Variants in TYR observed in about 807,000 individuals in gnomAD.
TYR encodes tyrosinase.
In TYR, 58 loss-of-function variants were observed where a neutral mutation model predicts 51.5. That is an observed-to-expected ratio of 1.13 (90% CI 0.91 to 1.40). The LOEUF (loss-of-function observed/expected upper bound fraction) is 1.40. Ranked by LOEUF, TYR falls within the 40% of genes most tolerant of loss-of-function variation. The probability of loss-of-function intolerance (pLI) is 0.00; values close to 1 mark genes in which losing one functional copy is unlikely to be tolerated. For missense variants in TYR, 732 were observed against 647.4 expected (o/e 1.13, Z -1.42); for synonymous variants, 263 against 235.2 (o/e 1.12, Z -1.08).
intron 1 of TYR, among the ~76,000 whole-genome samples, chr11:89,183,795 T>C (rs970471007): frequency 4.6e-5 from 7 of 152,140 alleles, no homozygotes; most frequent in Non-Finnish European, 7.4e-5. Context: ...AACAGTGTTA[T>C]ACACCCAAAG....
chr11:89,205,576 T>A (rs1943662248), intron 2 of TYR, among the ~76,000 whole-genome samples: 1 of 152,068 alleles, frequency 6.6e-6, no homozygotes, highest in Non-Finnish European at 1.5e-5. Flanking sequence ...GGCCAGAAGG[T>A]GGCACTGCAT....
intron 3 of TYR, among the ~76,000 whole-genome samples, chr11:89,243,969 T>G (rs1944234055): frequency 2.6e-5 from 4 of 152,100 alleles, no homozygotes. Context: ...TTAATAGAGG[T>G]GAGAAGGGTA....
chr11:89,187,496 A>C (rs1943389361), intron 1 of TYR, among the ~76,000 whole-genome samples: 2 of 152,178 alleles, frequency 1.3e-5, no homozygotes, highest in African/African-American at 4.8e-5. Flanking sequence ...GGTTCATAAC[A>C]AACTCATTGG....
At chr11:89,259,273 A>G (rs1218316755) in intron 3 of TYR, among the ~76,000 whole-genome samples, 1 of 152,120 alleles carries the variant, frequency 6.6e-6, no homozygotes, top group Non-Finnish European at 1.5e-5. Flanking sequence ...CAAGCTTAGC[A>G]CTTTCCTTCT....
At chr11:89,263,635 T>C (rs1944488732) in intron 3 of TYR, among the ~76,000 whole-genome samples, 1 of 151,956 alleles carries the variant, frequency 6.6e-6, no homozygotes, top group Non-Finnish European at 1.5e-5. Flanking sequence ...TTTGAATGAG[T>C]TTAGAAAAAT....
intron 3 of TYR, among the ~76,000 whole-genome samples, chr11:89,259,501 A>G (rs920029635): frequency 6.6e-6 from 1 of 152,132 alleles, no homozygotes; most frequent in Non-Finnish European, 1.5e-5. Context: ...CCCTTTGGAA[A>G]TAACATCAAA....
chr11:89,241,460 G>T (rs990771660), intron 3 of TYR, among the ~76,000 whole-genome samples: 1 of 151,850 alleles, frequency 6.6e-6, no homozygotes, highest in Admixed American at 6.6e-5. Flanking sequence ...CAAGAAATAC[G>T]ATATGTGTCT....
intron 1 of TYR, among the ~76,000 whole-genome samples, chr11:89,182,831 G>T (rs1156647258): frequency 6.6e-6 from 1 of 151,278 alleles, no homozygotes; most frequent in Non-Finnish European, 1.5e-5. Context: ...AAAATAAAAG[G>T]GGTATCAGGA....
chr11:89,179,688 T>G (rs1943275328), intron 1 of TYR, among the ~76,000 whole-genome samples: 1 of 152,202 alleles, frequency 6.6e-6, no homozygotes, highest in African/African-American at 2.4e-5. Context: ...TAGGCTGCAT[T>G]AGAAGTTAGC....
rs559720365 is a variant in TYR at position 89,178,369 on chromosome 11, C to G, written c.416C>G (p.Thr139Ser). ...AAGGACAAATTTTTTGCCTACCTCA[C>G]TTTAGCAAAGCATACCATCAGCTCA... ...PEKDKFFAYL[T>S]LAKHTISSDY... Residue 139 changes from threonine (T) to serine (S), a missense_variant, in exon 1 of 5, where the codon ACT becomes AGT. Coordinates refer to ENST00000263321, the MANE Select transcript of TYR (RefSeq NM_000372.5). The G allele has an allele frequency of 1.9e-6, 3 of 1,614,156 alleles. No homozygotes were observed. The highest frequency in any genetic ancestry group is 2.2e-5 in the South Asian group (2 of 91,086).
chr11:89,223,019 G>T (rs372719195), intron 2 of TYR, among the ~76,000 whole-genome samples: 8 of 152,144 alleles, frequency 5.3e-5, no homozygotes, highest in East Asian at 1.9e-4. Context: ...CAAATTCATT[G>T]CAGGGGTATA....
At chr11:89,202,644 C>CACACACACACACACACAT (rs1325924792) in intron 2 of TYR, among the ~76,000 whole-genome samples, 16 of 151,862 alleles carry the variant, frequency 1.1e-4, no homozygotes, top group African/African-American at 3.9e-4. Flanking sequence ...CACACACACA[C>CACACACACACACACACAT]ACACACTGTA....
chr11:89,267,707 T>C (rs1462861998), intron 3 of TYR, among the ~76,000 whole-genome samples: 1 of 152,008 alleles, frequency 6.6e-6, no homozygotes, highest in Non-Finnish European at 1.5e-5. Context: ...TTTTTATTTG[T>C]AATGTAAAAT....
At chr11:89,271,805 T>C (rs1252624000) in intron 3 of TYR, among the ~76,000 whole-genome samples, 2 of 151,920 alleles carry the variant, frequency 1.3e-5, no homozygotes, top group Admixed American at 1.3e-4. Flanking sequence ...TATAGAATAT[T>C]CTAAGTACTT....
At chr11:89,228,881 A>G (rs1442435627) in intron 3 of TYR, among the ~76,000 whole-genome samples, 1 of 152,156 alleles carries the variant, frequency 6.6e-6, no homozygotes, top group Non-Finnish European at 1.5e-5. Context: ...ATTTTCAAGA[A>G]GAAAGGAGAA....
chr11:89,194,245 T>G (rs1436948797), intron 2 of TYR, among the ~76,000 whole-genome samples: 1 of 152,194 alleles, frequency 6.6e-6, no homozygotes, highest in Non-Finnish European at 1.5e-5. Flanking sequence ...CTCCTCATTT[T>G]TTTAATAGAA....
intron 2 of TYR, among the ~76,000 whole-genome samples, chr11:89,218,035 T>A (rs371154451): frequency 6.6e-6 from 1 of 152,178 alleles, no homozygotes; most frequent in South Asian, 2.1e-4. Context: ...ATCCCCTCCA[T>A]GCTGAACAAC....
intron 3 of TYR, among the ~76,000 whole-genome samples, chr11:89,229,992 T>C (rs1591169723): frequency 6.6e-6 from 1 of 152,098 alleles, no homozygotes; most frequent in Non-Finnish European, 1.5e-5. Flanking sequence ...ATATTCAATG[T>C]AATCCTATCA....
intron 3 of TYR, among the ~76,000 whole-genome samples, chr11:89,241,306 C>T (rs1458437355): frequency 2.0e-5 from 3 of 152,262 alleles, no homozygotes; most frequent in South Asian, 2.1e-4. Context: ...AATTTACCCT[C>T]GTATGTACTC....
Sources: gnomAD v4.1 joint callset for allele counts (sites outside exome capture counted in the v4.1 genomes callset) on GRCh38, gnomAD v4.1.1 for gene constraint, MANE v1.5 for transcripts, NCBI Gene and HGNC (gene_info 2026-07-23, HGNC 2026-07-21) for gene names.